The following SLCO5A1 variants were observed in gnomAD, a reference collection of about 807,000 sequenced individuals.
SLCO5A1 encodes the protein solute carrier organic anion transporter family member 5A1, also known as organic anion transporter polypeptide-related protein 4.
In SLCO5A1, 39 loss-of-function variants were observed where a neutral mutation model predicts 65.1. The observed-to-expected ratio is 0.60, with a 90% confidence interval of 0.46 to 0.78. SLCO5A1 has a LOEUF of 0.78. SLCO5A1 is among the 30% of genes least tolerant of loss of function. The probability of loss-of-function intolerance (pLI) is 0.00; values close to 1 mark genes in which losing one functional copy is unlikely to be tolerated. For missense variants in SLCO5A1, 1,029 were observed against 1,069.4 expected (o/e 0.96, Z 0.53); for synonymous variants, 438 against 415.7 (o/e 1.05, Z -0.65).
At chr8:69,771,823 C>T (rs1295023318) in intron 2 of SLCO5A1, among the ~76,000 whole-genome samples, 6 of 152,210 alleles carry the variant, frequency 3.9e-5, no homozygotes, top group Non-Finnish European at 1.5e-5. Context: ...TAGCTGGAAC[C>T]CATGCTTGCT....
At chr8:69,762,271 C>G (rs1365936881) in intron 2 of SLCO5A1, among the ~76,000 whole-genome samples, 3 of 151,848 alleles carry the variant, frequency 2.0e-5, no homozygotes, top group African/African-American at 4.8e-5. Context: ...ACTGCAAGCT[C>G]CACCTCCCAG....
At chr8:69,764,960 T>C (rs1817986911) in intron 2 of SLCO5A1, among the ~76,000 whole-genome samples, 1 of 152,184 alleles carries the variant, frequency 6.6e-6, no homozygotes, top group African/African-American at 2.4e-5. Flanking sequence ...AGACACACAA[T>C]ATCCAGTAAG....
At chr8:69,700,741 T>A (rs901134723) in intron 6 of SLCO5A1, among the ~76,000 whole-genome samples, 1 of 151,744 alleles carries the variant, frequency 6.6e-6, no homozygotes, top group African/African-American at 2.4e-5. Flanking sequence ...GGCAAAAACT[T>A]CAAAACTCTG....
rs887144455 is a variant in SLCO5A1, at chr8:69,667,557, C to T, written c.*5312G>A. 7.2e-5 allele frequency: 11 copies of T among 152,170 alleles called. No individual in the cohort carries two copies. The highest frequency in any genetic ancestry group is 2.7e-4 in the African/African-American group (11 of 41,440). 9.4% of individuals were successfully genotyped at this position (152,170 alleles called of 1,614,324 possible). A position where few individuals can be genotyped will look rare whatever the true frequency, so the allele number is the denominator to read the frequency against. On this transcript the variant is annotated 3_prime_UTR_variant, in exon 10 of 10. Coordinates refer to ENST00000260126, the MANE Select transcript of SLCO5A1 (RefSeq NM_030958.3). Reference sequence around the variant, plus strand: ...CTTATTTTTCATTTCTAGATACAAACTTTAAACCTCTTTTGTTCACCCCTT... The same window carrying T: ...CTTATTTTTCATTTCTAGATACAAATTTTAAACCTCTTTTGTTCACCCCTT...
In SLCO5A1 at chr8:69,690,640, A is replaced by G. The variant is rs114414770; in HGVS notation, c.1623-8297T>C. ...GCAAAGGTCTGAATTAACAGACTGT[A>G]TTTATTTAATTTCTATAGTCTGAAT... On this transcript the variant is annotated intron_variant, in intron 6 of 9. Transcript: ENST00000260126. Among the ~76,000 whole-genome samples, 522 of 152,312 alleles carry G rather than the reference A, an allele frequency of 3.4e-3. 2 individuals carry two copies. Among genetic ancestry groups the G allele is most frequent in the African/African-American group, 0.012 (499 of 41,566 alleles).
chr8:69,790,688 CTG>C (rs1819227974), intron 2 of SLCO5A1, among the ~76,000 whole-genome samples: 1 of 152,040 alleles, frequency 6.6e-6, no homozygotes, highest in Non-Finnish European at 1.5e-5. Flanking sequence ...AGGAAAGAAA[CTG>C]TGATACGTGC....
chr8:69,673,375 A>G (rs762863951), intron 9 of SLCO5A1, 49 bp from the exon 10 acceptor site: 1 of 1,491,336 alleles, frequency 6.7e-7, no homozygotes. Context: ...ACATCTTCCA[A>G]GGGAAAACAG....
intron 6 of SLCO5A1, among the ~76,000 whole-genome samples, chr8:69,697,403 T>C (rs34842747): frequency 0.04 from 6,073 of 152,080 alleles, 235 homozygotes; most frequent in African/African-American, 0.097. Flanking sequence ...AAAAAAATTA[T>C]ATATATATAC....
rs1244442193 is a variant in SLCO5A1, at chr8:69,672,110, A to T, written c.*759T>A. The T allele has an allele frequency of 6.6e-6, 1 of 152,266 alleles. No individual in the cohort carries two copies. Among genetic ancestry groups the T allele is most frequent in the East Asian group, 1.9e-4 (1 of 5,206 alleles). 9.4% of individuals were successfully genotyped at this position (152,266 alleles called of 1,614,324 possible). A position where few individuals can be genotyped will look rare whatever the true frequency, so the allele number is the denominator to read the frequency against. ...CTAGTTTTAATGCTCCTTACAAAAG[A>T]ATACTGGAGTTTATATTTAAGCTAT... On this transcript the variant is annotated 3_prime_UTR_variant, in exon 10 of 10. Transcript: ENST00000260126.
chr8:69,770,664 C>T (rs1242988669), intron 2 of SLCO5A1, among the ~76,000 whole-genome samples: 7 of 152,138 alleles, frequency 4.6e-5, no homozygotes, highest in African/African-American at 1.7e-4. Flanking sequence ...CTCCATCTCA[C>T]CCTGGCCTTG....
chr8:69,750,466 A>G (rs1346452092), intron 4 of SLCO5A1, among the ~76,000 whole-genome samples: 1 of 152,124 alleles, frequency 6.6e-6, no homozygotes, highest in Admixed American at 6.6e-5. Flanking sequence ...AACTCACACT[A>G]GAACTCACGC....
chr8:69,705,213 G>C lies in SLCO5A1; in HGVS notation c.1440C>G (p.Pro480=). 1.9e-6 allele frequency: 3 copies of C among 1,613,978 alleles called. No homozygotes were observed. Among genetic ancestry groups the C allele is most frequent in the Non-Finnish European group, 2.5e-6 (3 of 1,179,946 alleles). Residue 480 remains proline, a synonymous_variant, in exon 6 of 10, where the codon CCC becomes CCG. Coordinates refer to ENST00000260126, the MANE Select transcript of SLCO5A1 (RefSeq NM_030958.3). ...CGAGGACAATACCAACACCAGCACT[G>C]GGGACGATAATAACCCCTGGGGAGA... ...ASIYTGVIIV[P]SAGVGIVLGG...
chr8:69,752,971 G>A (rs1392483877), intron 4 of SLCO5A1, among the ~76,000 whole-genome samples: 1 of 152,178 alleles, frequency 6.6e-6, no homozygotes. Flanking sequence ...ATCAAACTGA[G>A]CATAGAGAAG....
intron 6 of SLCO5A1, among the ~76,000 whole-genome samples, chr8:69,699,570 A>C (rs912114729): frequency 1.7e-3 from 245 of 147,998 alleles, no homozygotes; most frequent in African/African-American, 5.7e-3. Context: ...CACACAGCAA[A>C]CTGCTCAGCT....
intron 1 of SLCO5A1, among the ~76,000 whole-genome samples, chr8:69,834,405 A>C (rs1341075438): frequency 6.6e-6 from 1 of 152,224 alleles, no homozygotes; most frequent in East Asian, 1.9e-4. Flanking sequence ...CTGGGCGGCC[A>C]AGGGTGGCCG....
At chr8:69,718,584 T>C (rs1237066003) in intron 5 of SLCO5A1, among the ~76,000 whole-genome samples, 2 of 152,214 alleles carry the variant, frequency 1.3e-5, no homozygotes, top group Non-Finnish European at 2.9e-5. Flanking sequence ...AAATGGTAGT[T>C]GAGCTAAAAT....
At chr8:69,775,532 G>A (rs1257146095) in intron 2 of SLCO5A1, among the ~76,000 whole-genome samples, 6 of 152,198 alleles carry the variant, frequency 3.9e-5, no homozygotes, top group Admixed American at 2.6e-4. Context: ...CTTCAGGAAG[G>A]AGTACGGGGT....
chr8:69,832,704 G>T lies in SLCO5A1; in HGVS notation c.-31C>A. ...TTAGAATTCAGATTTGATAGCTGAT[G>T]GCACCCAAGCACTCCGGCACGTTTC... On this transcript the variant is annotated 5_prime_UTR_variant, in exon 2 of 10. Transcript: ENST00000260126. This position sits in a 1 kb window ranked among gnomAD's most constrained non-coding sequence, Gnocchi z 4.5. 1.3e-6 allele frequency: 2 copies of T among 1,568,122 alleles called. No homozygotes were observed. Among genetic ancestry groups the T allele is most frequent in the Admixed American group, 1.8e-5 (1 of 55,004 alleles).
chr8:69,834,735 TACACACACACACACACACACACACAC>T (rs57972006), intron 1 of SLCO5A1, 93 bp downstream of exon 1: 1 of 139,132 alleles, frequency 7.2e-6, no homozygotes, highest in African/African-American at 2.6e-5. Context: ...ACGCACATCC[TACACACACACACACACACACACACAC>T]ACACACACAC....
Sources: gnomAD v4.1 joint callset for allele counts (sites outside exome capture counted in the v4.1 genomes callset) on GRCh38, gnomAD v4.1.1 for gene constraint, Gnocchi (gnomAD v3.1) non-coding constraint, MANE v1.5 for transcripts, NCBI Gene and HGNC (gene_info 2026-07-23, HGNC 2026-07-21) for gene names.